Variants in BCL9 observed in about 807,000 individuals in gnomAD.
BCL9 encodes the protein BCL9 transcription coactivator.
Under a neutral mutation model 88.5 loss-of-function variants are expected in BCL9, and 25 were observed. That is an observed-to-expected ratio of 0.28 (90% CI 0.21 to 0.39). BCL9 has a LOEUF of 0.39. BCL9 is among the 10% of genes least tolerant of loss of function. The pLI is 1.00. For synonymous variants in BCL9, 711 were observed against 673.3 expected (o/e 1.06, Z -0.87); for missense variants, 1,817 against 1,877.8 (o/e 0.97, Z 0.60).
chr1:147,609,695 G>A (rs138365384), intron 3 of BCL9, among the ~76,000 whole-genome samples: 3 of 152,202 alleles, frequency 2.0e-5, no homozygotes, highest in African/African-American at 7.2e-5. Flanking sequence ...GATTAATGAG[G>A]TGATTTGATA....
intron 1 of BCL9, among the ~76,000 whole-genome samples, chr1:147,564,538 G>C (rs782175294): frequency 8.5e-5 from 13 of 152,068 alleles, no homozygotes; most frequent in Non-Finnish European, 1.3e-4. Context: ...AAACGTCTGA[G>C]TCTCAATTTC....
intron 1 of BCL9, among the ~76,000 whole-genome samples, chr1:147,558,732 T>C (rs1403109616): frequency 6.6e-6 from 1 of 152,192 alleles, no homozygotes; most frequent in Admixed American, 6.5e-5. Flanking sequence ...TAGGACATGA[T>C]ATAGAAATCT....
At position 147,619,020 on chromosome 1, in the gene BCL9, G is replaced by A. The variant is rs782147539; in HGVS notation, c.865G>A (p.Val289Ile). Reference protein sequence around the residue: ...PGVENKLIPSVGSPASSTPLP... With the variant: ...PGVENKLIPSIGSPASSTPLP... ...GGTAGAAAACAAACTGATTCCTTCT[G>A]TAGGAAGTCCTGCCAGCTCCACTCC... The change falls in exon 8 of 10, where the codon GTA becomes ATA. Residue 289 changes from valine (V) to isoleucine (I), a missense_variant. Physicochemically the swap from Val to Ile is conservative, Grantham distance 29. Coordinates refer to ENST00000234739, the MANE Select transcript of BCL9 (RefSeq NM_004326.4). This position sits in a 1 kb window ranked among gnomAD's most constrained non-coding sequence, Gnocchi z 4.1. The A allele has an allele frequency of 6.2e-7, 1 of 1,609,950 alleles. No homozygotes were observed. Among genetic ancestry groups the A allele is most frequent in the South Asian group, 1.1e-5 (1 of 90,504 alleles).
chr1:147,555,642 C>G (rs1553195348), intron 1 of BCL9, among the ~76,000 whole-genome samples: 1 of 152,204 alleles, frequency 6.6e-6, no homozygotes, highest in Non-Finnish European at 1.5e-5. Context: ...TCGAAGGCTT[C>G]CTATTAGACT....
At chr1:147,581,692 G>A (rs1338640154) in intron 1 of BCL9, among the ~76,000 whole-genome samples, 1 of 152,182 alleles carries the variant, frequency 6.6e-6, no homozygotes, top group East Asian at 1.9e-4. Context: ...TGTAGGGCCA[G>A]TTGTAGATTC....
intron 1 of BCL9, among the ~76,000 whole-genome samples, chr1:147,548,385 T>C (rs1474576549): frequency 6.6e-6 from 1 of 152,348 alleles, no homozygotes; most frequent in East Asian, 1.9e-4. Flanking sequence ...TTGCTGTCTC[T>C]GCCTGGAGTG....
intron 1 of BCL9, among the ~76,000 whole-genome samples, chr1:147,552,498 C>T (rs1436945976): frequency 8.6e-5 from 13 of 152,010 alleles, no homozygotes; most frequent in Admixed American, 7.9e-4. Context: ...CCCAGCTACT[C>T]GGGAGACTGA....
intron 1 of BCL9, among the ~76,000 whole-genome samples, chr1:147,562,584 G>C (rs1655428287): frequency 6.6e-6 from 1 of 152,124 alleles, no homozygotes; most frequent in Non-Finnish European, 1.5e-5. Flanking sequence ...GAATTAGAAA[G>C]CTGGCAATAA....
At position 147,624,704 on chromosome 1, in the gene BCL9, C is replaced by T. The variant is rs77650336; in HGVS notation, c.4026C>T (p.Pro1342=). 0.022 allele frequency: 34,993 copies of T among 1,614,130 alleles called. 439 individuals carry two copies. The highest frequency in any genetic ancestry group is 0.026 in the Non-Finnish European group (30,824 of 1,180,028). The part of the protein sequence containing the change: ...RMMSPAQSTM[P]GQPTLMSNPA... ...TGTCACCAGCACAATCTACAATGCC[C>T]GGCCAGCCCACCCTGATGAGCAATC... The change falls in exon 10 of 10, where the codon CCC becomes CCT. Residue 1342 remains proline (P), a synonymous_variant. Transcript: ENST00000234739. The surrounding 1 kb of genome is among the most constrained non-coding windows in gnomAD (Gnocchi z 4.4).
intron 1 of BCL9, among the ~76,000 whole-genome samples, chr1:147,571,645 G>A (rs1655893017): frequency 6.6e-6 from 1 of 152,136 alleles, no homozygotes; most frequent in Non-Finnish European, 1.5e-5. Flanking sequence ...CCTACAGAGG[G>A]ACCTCAGGGT....
intron 1 of BCL9, among the ~76,000 whole-genome samples, chr1:147,571,531 G>A (rs1259209743): frequency 2.0e-5 from 3 of 152,168 alleles, no homozygotes; most frequent in Admixed American, 1.3e-4. Flanking sequence ...TGGGAATTTG[G>A]GGGAGAGTTT....
At chr1:147,559,262 T>C (rs1655262613) in intron 1 of BCL9, among the ~76,000 whole-genome samples, 1 of 152,030 alleles carries the variant, frequency 6.6e-6, no homozygotes. Context: ...TTTAGCCAAA[T>C]CATTGCTATC....
At position 147,576,306 on chromosome 1, in the gene BCL9, C is replaced by T. The variant is rs760377587; in HGVS notation, c.-477-28471C>T. Among the ~76,000 whole-genome samples the T allele has an allele frequency of 6.7e-4, 102 of 152,080 alleles. 1 individual carries two copies. Among genetic ancestry groups the T allele is most frequent in the Non-Finnish European group, 1.2e-3 (82 of 68,020 alleles). On this transcript the variant is annotated intron_variant, in intron 1 of 9. Coordinates refer to ENST00000234739, the MANE Select transcript of BCL9 (RefSeq NM_004326.4). ...CCCCTTCCACCTTTCTCTCATCTCC[C>T]GGCCACTCTAGAGATAATCAGTTTT...
At chr1:147,601,400 A>G (rs967301315) in intron 1 of BCL9, among the ~76,000 whole-genome samples, 11 of 152,258 alleles carry the variant, frequency 7.2e-5, no homozygotes, top group Admixed American at 6.5e-5. Flanking sequence ...ATTTTGGTCA[A>G]TGATGGGTAT....
At chr1:147,567,471 G>A (rs1208949698) in intron 1 of BCL9, among the ~76,000 whole-genome samples, 2 of 152,066 alleles carry the variant, frequency 1.3e-5, no homozygotes, top group Non-Finnish European at 2.9e-5. Context: ...CACATACTTG[G>A]TATATGCCTA....
intron 4 of BCL9, 69 bp from the exon 5 acceptor site, chr1:147,612,814 C>T (rs1553202817): frequency 2.0e-6 from 3 of 1,492,798 alleles, no homozygotes; most frequent in East Asian, 2.3e-5. Flanking sequence ...ATAGAAACTG[C>T]CTCTCTCTAA....
chr1:147,621,465 G>C (rs1470541275), intron 8 of BCL9, among the ~76,000 whole-genome samples: 3 of 152,210 alleles, frequency 2.0e-5, no homozygotes, highest in Non-Finnish European at 4.4e-5. Flanking sequence ...GGAAGCTGCT[G>C]TAAGACTTGT....
At chr1:147,603,645 G>T (rs1241257331) in intron 1 of BCL9, among the ~76,000 whole-genome samples, 6 of 151,356 alleles carry the variant, frequency 4.0e-5, no homozygotes, top group African/African-American at 1.5e-4. Context: ...GGGATTACAG[G>T]TACACGCTAC....
chr1:147,625,261 C>G lies in BCL9; in HGVS notation c.*302C>G, dbSNP rs1343596546. On this transcript the variant is annotated 3_prime_UTR_variant, in exon 10 of 10. Transcript: ENST00000234739. ...GTAGCTGTGCTTTGAGAATTGCCAT[C>G]GGTCATGTGTTGCACCGTTCTCTGT... 1 of 376,330 alleles carries G rather than the reference C, an allele frequency of 2.7e-6. No individual in the cohort carries two copies. Among genetic ancestry groups the G allele is most frequent in the Non-Finnish European group, 4.8e-6 (1 of 206,310 alleles). 23.3% of individuals were successfully genotyped at this position (376,330 alleles called of 1,614,324 possible).
Sources: gnomAD v4.1 joint callset for allele counts (sites outside exome capture counted in the v4.1 genomes callset) on GRCh38, gnomAD v4.1.1 for gene constraint, Gnocchi (gnomAD v3.1) non-coding constraint, MANE v1.5 for transcripts, NCBI Gene and HGNC (gene_info 2026-07-23, HGNC 2026-07-21) for gene names.